DLGAP2: variants seen among roughly 807,000 people sequenced by gnomAD.
DLGAP2 encodes the protein DLG associated protein 2.
Under a neutral mutation model 100.3 loss-of-function variants are expected in DLGAP2, and 26 were observed. The observed-to-expected ratio is 0.26, with a 90% CI of 0.19 to 0.36. The LOEUF is 0.36. DLGAP2 is among the 10% of genes least tolerant of loss of function. The pLI, the probability that DLGAP2 is intolerant of heterozygous loss-of-function variation, is 1.00. For synonymous variants in DLGAP2, 886 were observed against 630.1 expected (o/e 1.41, Z -6.08); for missense variants, 1,858 against 1,453.2 (o/e 1.28, Z -4.53).
chr8:1,255,449 A>T (rs146630976), intron 2 of DLGAP2, among the ~76,000 whole-genome samples: 1,764 of 80,586 alleles, frequency 0.022, 22 homozygotes, highest in Middle Eastern at 0.13. Flanking sequence ...CGAGCACTGT[A>T]TGTGTGTCCT....
chr8:805,584 A>C (rs557867820), intron 1 of DLGAP2, among the ~76,000 whole-genome samples: 1 of 152,294 alleles, frequency 6.6e-6, no homozygotes, highest in South Asian at 2.1e-4. Context: ...GTAGTTTCTA[A>C]TGTTATAAAA....
chr8:1,657,374 G>A (rs1185907021), intron 8 of DLGAP2, among the ~76,000 whole-genome samples: 1 of 152,212 alleles, frequency 6.6e-6, no homozygotes, highest in Non-Finnish European at 1.5e-5. Flanking sequence ...GATTAGTTGT[G>A]ATAAACGCAT....
chr8:1,006,728 G>A (rs551726891), intron 2 of DLGAP2, among the ~76,000 whole-genome samples: 6 of 105,936 alleles, frequency 5.7e-5, no homozygotes, highest in South Asian at 4.1e-4. Flanking sequence ...CAGGGACACC[G>A]TGTGTCTCAA....
At chr8:1,429,136 A>C (rs1295953482) in intron 3 of DLGAP2, among the ~76,000 whole-genome samples, 4 of 152,220 alleles carry the variant, frequency 2.6e-5, no homozygotes, top group African/African-American at 9.6e-5. Flanking sequence ...ATGTTGGATT[A>C]GTTTGAAAAA....
intron 3 of DLGAP2, among the ~76,000 whole-genome samples, chr8:1,329,767 G>C (rs1340399613): frequency 6.6e-6 from 1 of 152,192 alleles, no homozygotes; most frequent in Admixed American, 6.5e-5. Context: ...GGCTGTACCT[G>C]CCTGAGCCCA....
intron 3 of DLGAP2, among the ~76,000 whole-genome samples, chr8:1,313,685 C>T (rs1422522826): frequency 6.6e-6 from 1 of 152,144 alleles, no homozygotes; most frequent in Admixed American, 6.5e-5. Context: ...CCACCTGAAC[C>T]TGATGGTCAC....
At chr8:823,357 CT>C (rs749553477) in intron 1 of DLGAP2, among the ~76,000 whole-genome samples, 27 of 151,990 alleles carry the variant, frequency 1.8e-4, no homozygotes, top group East Asian at 1.6e-3. Flanking sequence ...TGCTTTCCCC[CT>C]GATCAGAAAA....
At chr8:1,483,722 A>AG (rs1322165454) in intron 3 of DLGAP2, among the ~76,000 whole-genome samples, 3 of 150,754 alleles carry the variant, frequency 2.0e-5, no homozygotes, top group South Asian at 2.1e-4. Flanking sequence ...CGTGGGGACC[A>AG]GGAAGGCAGG....
At chr8:939,789 C>T (rs1306076007) in intron 2 of DLGAP2, among the ~76,000 whole-genome samples, 1 of 121,562 alleles carries the variant, frequency 8.2e-6, no homozygotes, top group African/African-American at 3.4e-5. Flanking sequence ...TTGGGAGGTG[C>T]AGACACAGGG....
intron 3 of DLGAP2, among the ~76,000 whole-genome samples, chr8:1,306,188 A>G (rs765582414): frequency 6.6e-5 from 10 of 151,994 alleles, no homozygotes; most frequent in Admixed American, 1.3e-4. Context: ...AACTGTGAAG[A>G]TTCCCCCCCA....
chr8:1,077,196 A>C (rs554965174), intron 2 of DLGAP2, among the ~76,000 whole-genome samples: 13 of 152,262 alleles, frequency 8.5e-5, no homozygotes, highest in Non-Finnish European at 1.6e-4. Context: ...TGATGAGGAC[A>C]CCAGTCATGT....
At chr8:1,220,887 T>G (rs989502685) in intron 2 of DLGAP2, among the ~76,000 whole-genome samples, 1 of 152,224 alleles carries the variant, frequency 6.6e-6, no homozygotes, top group African/African-American at 2.4e-5. Context: ...CATTGTTGGT[T>G]TAAAGTCTTT....
At chr8:843,827 A>T (rs1196605863) in intron 1 of DLGAP2, among the ~76,000 whole-genome samples, 1 of 152,208 alleles carries the variant, frequency 6.6e-6, no homozygotes, top group African/African-American at 2.4e-5. Context: ...GCTACATGAT[A>T]TCTTTACATT....
intron 2 of DLGAP2, among the ~76,000 whole-genome samples, chr8:949,346 C>T (rs1389519596): frequency 6.6e-6 from 1 of 152,180 alleles, no homozygotes; most frequent in Non-Finnish European, 1.5e-5. Context: ...GTGGCAGACA[C>T]CACGCTGGAT....
chr8:973,332 C>T (rs1270472941), intron 2 of DLGAP2, among the ~76,000 whole-genome samples: 9 of 150,554 alleles, frequency 6.0e-5, no homozygotes, highest in East Asian at 2.0e-4. Flanking sequence ...GGCTGCCGGG[C>T]GGAGACGCTC....
intron 4 of DLGAP2, among the ~76,000 whole-genome samples, chr8:1,538,627 C>G (rs1801236567): frequency 6.6e-6 from 1 of 152,196 alleles, no homozygotes; most frequent in Non-Finnish European, 1.5e-5. Context: ...CGCTCCCATG[C>G]TCACCGCTTG....
Position 1,304,813 on chromosome 8 carries a change from A to G in DLGAP2, c.106+45930A>G, listed in dbSNP as rs116809663. Among the ~76,000 whole-genome samples the G allele has an allele frequency of 6.2e-3, 949 of 152,322 alleles. 8 individuals carry two copies. The highest frequency in any genetic ancestry group is 0.021 in the African/African-American group (874 of 41,566). ...ATCCATATTTTGTGGATCATCATCA[A>G]TTATAATAAATGCTAAACACCCTTC... On this transcript the variant is annotated intron_variant, in intron 3 of 14. Coordinates refer to ENST00000637795, the MANE Select transcript of DLGAP2 (RefSeq NM_001346810.2).
In DLGAP2 at chr8:830,638, CT is replaced by C. The variant is rs918916585; in HGVS notation, c.19-77267del. ...AGTATGTTTCTTCCTTGTTTTCCATCTTTTTTTCTTTTTGGTGCATGCATTG... is the reference window on the plus strand; with the variant it reads ...AGTATGTTTCTTCCTTGTTTTCCATCTTTTTTCTTTTTGGTGCATGCATTG... On this transcript the variant is annotated intron_variant, in intron 1 of 14. Coordinates refer to ENST00000637795, the MANE Select transcript of DLGAP2 (RefSeq NM_001346810.2). 5.9e-5 allele frequency among the ~76,000 whole-genome samples: 9 copies of C among 152,270 alleles called. No homozygotes were observed. The East Asian group carries it at 7.7e-4, about 13-fold the overall frequency.
intron 4 of DLGAP2, among the ~76,000 whole-genome samples, chr8:1,529,616 A>T (rs1800917260): frequency 6.6e-6 from 1 of 152,246 alleles, no homozygotes; most frequent in South Asian, 2.1e-4. Context: ...GTTGCCAAAA[A>T]TTCCAGACAA....
Sources: gnomAD v4.1 joint callset for allele counts (sites outside exome capture counted in the v4.1 genomes callset) on GRCh38, gnomAD v4.1.1 for gene constraint, MANE v1.5 for transcripts, NCBI Gene and HGNC (gene_info 2026-07-23, HGNC 2026-07-21) for gene names.